Variants in DYSF observed in about 807,000 individuals in gnomAD.
The protein encoded by DYSF is dystrophy-associated fer-1-like 1.
In DYSF, 212 loss-of-function variants were observed where a neutral mutation model predicts 274.9. That is an observed-to-expected ratio of 0.77 (90% CI 0.69 to 0.86). The LOEUF is 0.86. Ranked by LOEUF, DYSF falls within the 40% of genes least tolerant of loss-of-function variation. DYSF has a pLI of 0.00. For synonymous variants in DYSF, 1,091 were observed against 1,078.7 expected (o/e 1.01, Z -0.22); for missense variants, 2,666 against 2,783.2 (o/e 0.96, Z 0.95).
chr2:71,521,017 G>C, intron 12 of DYSF, 113 bp downstream of exon 12: 1 of 803,432 alleles, frequency 1.2e-6, no homozygotes, highest in Non-Finnish European at 2.0e-6. Flanking sequence ...ACTAATATGT[G>C]GTAATTAATG....
intron 34 of DYSF, 82 bp downstream of exon 34, chr2:71,600,924 C>T: frequency 5.7e-6 from 9 of 1,582,582 alleles, no homozygotes; most frequent in Non-Finnish European, 7.7e-6. Context: ...CCTGGAACAC[C>T]TCCTCTGAAG....
At chr2:71,462,279 C>T (rs1573249167), upstream of DYSF, among the ~76,000 whole-genome samples, 1 of 152,142 alleles carries the variant, frequency 6.6e-6, no homozygotes, top group Non-Finnish European at 1.5e-5. Flanking sequence ...CTGGTACAGG[C>T]ACTGGCTCTG....
At chr2:71,565,510 T>G (rs2092039029) in intron 24 of DYSF, among the ~76,000 whole-genome samples, 1 of 152,022 alleles carries the variant, frequency 6.6e-6, no homozygotes, top group African/African-American at 2.4e-5. Flanking sequence ...CGCTGGACCT[T>G]CCCCTTCCCT....
chr2:71,489,863 G>C (rs973097564), intron 3 of DYSF, among the ~76,000 whole-genome samples: 35 of 152,224 alleles, frequency 2.3e-4, no homozygotes, highest in African/African-American at 8.4e-4. Context: ...TCCTGGCACT[G>C]TCTGTAACCT....
intron 46 of DYSF, 71 bp from the exon 47 acceptor site, chr2:71,665,091 T>C: frequency 6.2e-7 from 1 of 1,606,650 alleles, no homozygotes; most frequent in Non-Finnish European, 8.5e-7. Context: ...GGTACACCAG[T>C]CCCTGCATGC....
chr2:71,600,655 G>C (rs754868428), intron 33 of DYSF, 47 bp from the exon 34 acceptor site: 1 of 1,613,412 alleles, frequency 6.2e-7, no homozygotes, highest in East Asian at 2.2e-5. Flanking sequence ...GCTCCCTAGA[G>C]CCCTGGGTAA....
Position 71,470,778 on chromosome 2 carries a change from T to TTCCTTCCG in DYSF, c.91+3851_91+3852insCGTCCTTC, listed in dbSNP as rs1553502891. ...CTTCCTTCCTTCCTTCCTTCCTTCCTTCCTTCATTCCTTCCTTCTTTTTTT... is the reference window on the plus strand; with the variant it reads ...CTTCCTTCCTTCCTTCCTTCCTTCCTTCCTTCCGTCCTTCATTCCTTCCTTCTTTTTTT... On this transcript the variant is annotated intron_variant, in intron 1 of 55. Transcript: ENST00000410020. Among the ~76,000 whole-genome samples the TTCCTTCCG allele has an allele frequency of 7.5e-4, 105 of 140,186 alleles. 2 individuals carry two copies. The highest frequency in any genetic ancestry group is 3.5e-3 in the Middle Eastern group (1 of 282). 92.0% of individuals were successfully genotyped at this position (140,186 alleles called of 152,430 possible). A position where few individuals can be genotyped will look rare whatever the true frequency, so the allele number is the denominator to read the frequency against.
At chr2:71,537,218 GTTTTGT>G (rs1553536531) in intron 16 of DYSF, among the ~76,000 whole-genome samples, 9 of 47,712 alleles carry the variant, frequency 1.9e-4, no homozygotes, top group African/African-American at 5.7e-4. Context: ...TTACTTTCTA[GTTTTGT>G]TTTTTTTTTT....
In DYSF at chr2:71,574,267, G is replaced by A. The variant is rs144599077; in HGVS notation, c.3298G>A (p.Glu1100Lys). ...TCTTTTTGGCTGGAAGTTCCACCTCGAGTACCGCAAGACAGATGCCTTCCG... is the reference window on the plus strand; with the variant it reads ...TCTTTTTGGCTGGAAGTTCCACCTCAAGTACCGCAAGACAGATGCCTTCCG... ...ASLFGWKFHL[E>K]YRKTDAFRRR... Residue 1100 changes from glutamate (E) to lysine (K), a missense_variant, in exon 30 of 56, where the codon GAG becomes AAG. Around this residue, in one of 3 missense-constraint regions of DYSF, gnomAD observed 1,460 missense variants for 1,502.1 expected, o/e 0.97. Transcript: ENST00000410020. 4.3e-6 allele frequency: 7 copies of A among 1,614,108 alleles called. No homozygotes were observed. Among genetic ancestry groups the A allele is most frequent in the Admixed American group, 3.3e-5 (2 of 60,026 alleles).
chr2:71,673,448 G>A (rs534125093), intron 51 of DYSF, among the ~76,000 whole-genome samples: 1 of 152,314 alleles, frequency 6.6e-6, no homozygotes, highest in South Asian at 2.1e-4. Context: ...GAACTTCCCA[G>A]CACTTCAGGC....
rs753861836 is a variant in DYSF, at chr2:71,674,190, G to A, written c.5785-7G>A. The A allele has an allele frequency of 6.8e-6, 11 of 1,613,534 alleles. No individual in the cohort carries two copies. The highest frequency in any genetic ancestry group is 1.3e-5 in the African/African-American group (1 of 74,890). On this transcript the variant is annotated splice_region_variant and splice_polypyrimidine_tract_variant and intron_variant, in intron 51 of 55. Coordinates refer to ENST00000410020, the MANE Select transcript of DYSF (RefSeq NM_001130987.2). ...TTGCATCCTTCTCTGTTCCTCTTCC[G>A]GGTCAGGATGCCTTCTGGAGGCTGG...
intron 55 of DYSF, among the ~76,000 whole-genome samples, chr2:71,683,570 G>T (rs553633660): frequency 1.3e-5 from 2 of 152,350 alleles, no homozygotes; most frequent in South Asian, 4.1e-4. Flanking sequence ...GGAGAGAATG[G>T]TGTAATCCAC....
intron 30 of DYSF, among the ~76,000 whole-genome samples, chr2:71,585,033 C>G (rs1191592471): frequency 6.6e-6 from 1 of 152,202 alleles, no homozygotes; most frequent in African/African-American, 2.4e-5. Context: ...TCATTTCATT[C>G]AGTTTTCACT....
chr2:71,472,200 GCCAC>G (rs1238653155), intron 1 of DYSF, among the ~76,000 whole-genome samples: 2 of 152,118 alleles, frequency 1.3e-5, no homozygotes, highest in East Asian at 3.9e-4. Flanking sequence ...TACATCTTTG[GCCAC>G]ATATTTAATT....
intron 30 of DYSF, among the ~76,000 whole-genome samples, chr2:71,580,983 G>A (rs529182406): frequency 1.3e-5 from 2 of 152,300 alleles, no homozygotes; most frequent in African/African-American, 2.4e-5. Context: ...ACATGCATGA[G>A]GGTCTTCATC....
In DYSF at chr2:71,598,696, C is replaced by T. The variant is rs1174620164; in HGVS notation, c.3707C>T (p.Ala1236Val). The T allele has an allele frequency of 6.2e-7, 1 of 1,613,898 alleles. No homozygotes were observed. The highest frequency in any genetic ancestry group is 1.3e-5 in the African/African-American group (1 of 75,052). ...IEIFGEPATV[A>V]EQPPSIVVEL... is the part of the protein sequence containing the mutation. ...ATCTTTGGCGAGCCGGCCACAGTTG[C>T]TGAGCAACCGCCCAGCATTGTGGTG... is the stretch of plus-strand genomic sequence containing the variant. Residue 1236 changes from alanine (A) to valine (V), a missense_variant, in exon 33 of 56, where the codon GCT (alanine) becomes GTT (valine). Coordinates refer to ENST00000410020, the MANE Select transcript of DYSF (RefSeq NM_001130987.2).
chr2:71,511,715 T>C (rs1331385479), intron 4 of DYSF, 92 bp from the exon 5 acceptor site: 4 of 856,216 alleles, frequency 4.7e-6, no homozygotes, highest in Non-Finnish European at 5.8e-6. Flanking sequence ...CCATATTCCT[T>C]GGTGGAGGGA....
chr2:71,651,734 G>T (rs141911392), intron 42 of DYSF, among the ~76,000 whole-genome samples: 195 of 152,136 alleles, frequency 1.3e-3, no homozygotes, highest in Non-Finnish European at 2.1e-3. Context: ...TCTATGACAT[G>T]AATATATATG....
intron 1 of DYSF, among the ~76,000 whole-genome samples, chr2:71,456,827 A>G (rs753166031): frequency 6.6e-6 from 1 of 152,076 alleles, no homozygotes. Flanking sequence ...TCCTTGGTGC[A>G]TGAATAAGAA....
Sources: allele counts gnomAD v4.1 joint callset (sites outside exome capture counted in the v4.1 genomes callset), GRCh38; gene constraint gnomAD v4.1.1; regional missense constraint gnomAD v4.1.1; transcripts MANE v1.5; gene names NCBI Gene and HGNC (gene_info 2026-07-23, HGNC 2026-07-21).